Variants in TMIE observed in about 807,000 individuals in gnomAD.
TMIE encodes transmembrane inner ear.
TMIE carries 14 observed loss-of-function variants against 16.8 expected under a neutral mutation model. The observed-to-expected ratio is 0.83, with a 90% CI of 0.55 to 1.30. The LOEUF (loss-of-function observed/expected upper bound fraction) is 1.30, where lower values mean the gene tolerates loss of function less well. Among genes scored for constraint, TMIE ranks in the 50% most tolerant of loss-of-function variants. TMIE has a pLI of 0.00. For missense variants in TMIE, 204 were observed against 205.9 expected (o/e 0.99, Z 0.06); for synonymous variants, 75 against 87.2 (o/e 0.86, Z 0.78).
rs1377457705 is a variant in TMIE, at chr3:46,710,079, T to C, written c.*391T>C. On this transcript the variant is annotated 3_prime_UTR_variant, in exon 4 of 4. Transcript: ENST00000643606. Reference sequence around the variant, plus strand: ...TTCAGCCACCCTTTCTGGCACGAAATGGCTGAAGTGCATGGGTCAGGGTGT... The same window carrying C: ...TTCAGCCACCCTTTCTGGCACGAAACGGCTGAAGTGCATGGGTCAGGGTGT... 1.5e-5 allele frequency: 5 copies of C among 341,060 alleles called. No individual in the cohort carries two copies. The highest frequency in any genetic ancestry group is 3.9e-5 in the Admixed American group (1 of 25,834). The allele number at this position is 341,060 out of a possible 1,614,324, so 21.1% of individuals were successfully genotyped here. A position where few individuals can be genotyped will look rare whatever the true frequency, so the allele number is the denominator to read the frequency against.
Position 46,709,618 on chromosome 3 carries a change from T to C in TMIE, c.401T>C (p.Val134Ala). The C allele has an allele frequency of 6.2e-7, 1 of 1,613,206 alleles. No homozygotes were observed. Among genetic ancestry groups the C allele is most frequent in the South Asian group, 1.1e-5 (1 of 91,054 alleles). The change falls in exon 4 of 4, where the codon GTG becomes GCG. Residue 134 changes from valine (V) to alanine (A), a missense_variant. Coordinates refer to ENST00000643606, the MANE Select transcript of TMIE (RefSeq NM_147196.3). ...KKKKKKKKDS[V>A]DTVAIKVEED... is the part of the protein sequence containing the mutation. Reference sequence around the variant, plus strand: ...AAGAAGAAGAAGAAGAAGGACAGTGTGGACACAGTGGCCATCAAAGTAGAG... The same window carrying C: ...AAGAAGAAGAAGAAGAAGGACAGTGCGGACACAGTGGCCATCAAAGTAGAG...
intron 1 of TMIE, among the ~76,000 whole-genome samples, chr3:46,703,094 T>C (rs1010794059): frequency 6.6e-6 from 1 of 152,186 alleles, no homozygotes; most frequent in Admixed American, 6.5e-5. Context: ...GCCTTAGCTC[T>C]TCCCTCACGG....
intron 1 of TMIE, among the ~76,000 whole-genome samples, chr3:46,696,231 A>T (rs938512227): frequency 2.6e-5 from 4 of 152,198 alleles, no homozygotes; most frequent in African/African-American, 7.2e-5. Flanking sequence ...ATGCGTGTGC[A>T]GATCATGTGC....
At chr3:46,695,259 G>T (rs908200903) in intron 1 of TMIE, among the ~76,000 whole-genome samples, 8 of 152,242 alleles carry the variant, frequency 5.3e-5, no homozygotes, top group Non-Finnish European at 2.9e-5. Context: ...TCCCTGTGGG[G>T]ATCCTTTGTG....
chr3:46,697,933 T>G (rs1700424773), upstream of TMIE, among the ~76,000 whole-genome samples: 3 of 152,200 alleles, frequency 2.0e-5, no homozygotes, highest in Admixed American at 2.0e-4. Flanking sequence ...TTTTCAAAAC[T>G]ACTTTAACTT....
At chr3:46,703,769 A>T (rs981292470) in intron 1 of TMIE, among the ~76,000 whole-genome samples, 43 of 152,160 alleles carry the variant, frequency 2.8e-4, no homozygotes, top group African/African-American at 9.9e-4. Context: ...GGTGGCATTC[A>T]CTAGATGAAG....
At chr3:46,699,715 G>C (rs1281796213), upstream of TMIE, among the ~76,000 whole-genome samples, 1 of 152,196 alleles carries the variant, frequency 6.6e-6, no homozygotes, top group East Asian at 1.9e-4. Context: ...CACTAGGCTT[G>C]CCCTACTTCT....
rs780833575 is a variant in TMIE, at chr3:46,703,266, C to T, written c.93+1686C>T. 4.0e-4 allele frequency among the ~76,000 whole-genome samples: 61 copies of T among 152,244 alleles called. No individual in the cohort carries two copies. In the Middle Eastern group the frequency reaches 0.02, roughly 51 times the overall value. On this transcript the variant is annotated intron_variant, in intron 1 of 3. Transcript: ENST00000643606. ...GCAGGGCCCAACATGAGGAGAAGAC[C>T]AGCTGTCATCTGCTGCCGTCCACCC...
chr3:46,698,721 C>T (rs1017379418), upstream of TMIE, among the ~76,000 whole-genome samples: 1 of 152,182 alleles, frequency 6.6e-6, no homozygotes, highest in Admixed American at 6.5e-5. Context: ...GAAGTTAGGA[C>T]ATATAAAGCT....
chr3:46,699,057 C>CTTTTTTTTTTTT (rs1246748003), upstream of TMIE, among the ~76,000 whole-genome samples: 2 of 65,292 alleles, frequency 3.1e-5, no homozygotes, highest in Non-Finnish European at 6.5e-5. Flanking sequence ...AATGGTGTTT[C>CTTTTTTTTTTTT]TTATTTTTTT....
At chr3:46,697,204 C>T (rs962121113), upstream of TMIE, among the ~76,000 whole-genome samples, 38 of 152,176 alleles carry the variant, frequency 2.5e-4, no homozygotes, top group African/African-American at 8.7e-4. Context: ...TTGTTACGGT[C>T]TTTGGCTATA....
In TMIE at chr3:46,709,905, CA is replaced by C; in HGVS notation, c.*218del. On this transcript the variant is annotated 3_prime_UTR_variant, in exon 4 of 4. Transcript: ENST00000643606. ...AGCCTAGGCTTGGCTCCTTTCACCC[CA>C]TCCACATGGGTACTGTCTCGGCAGA... 1 of 876,868 alleles carries C rather than the reference CA, an allele frequency of 1.1e-6. No individual in the cohort carries two copies. The allele number at this position is 876,868 out of a possible 1,614,324, so 54.3% of individuals were successfully genotyped here.
At chr3:46,695,292 C>T (rs917522153) in intron 1 of TMIE, among the ~76,000 whole-genome samples, 3 of 152,224 alleles carry the variant, frequency 2.0e-5, no homozygotes, top group African/African-American at 4.8e-5. Context: ...TGGGAGGTAG[C>T]GGTACATTCT....
intron 1 of TMIE, among the ~76,000 whole-genome samples, chr3:46,696,177 T>C (rs1480509180): frequency 6.6e-6 from 1 of 152,188 alleles, no homozygotes; most frequent in Admixed American, 6.5e-5. Context: ...TTGAACCCAC[T>C]GGTAAGGACT....
chr3:46,703,890 T>C (rs554597869), intron 1 of TMIE, among the ~76,000 whole-genome samples: 2 of 152,122 alleles, frequency 1.3e-5, no homozygotes, highest in African/African-American at 4.8e-5. Flanking sequence ...AGAAGGGACT[T>C]CTCGTGTCTG....
chr3:46,694,509 G>A (rs1700353914), upstream of TMIE: 1 of 152,336 alleles, frequency 6.6e-6, no homozygotes, highest in South Asian at 2.1e-4. Flanking sequence ...AGGGTCCAAG[G>A]CGGCCGTGGA....
intron 2 of TMIE, among the ~76,000 whole-genome samples, chr3:46,706,476 C>G (rs1347866684): frequency 6.6e-6 from 1 of 152,200 alleles, no homozygotes; most frequent in Non-Finnish European, 1.5e-5. Context: ...CCCCTTAGCC[C>G]TCCCCTCAGA....
At chr3:46,709,099 G>A in intron 2 of TMIE, 27 bp from the exon 3 acceptor site, 1 of 1,613,684 alleles carries the variant, frequency 6.2e-7, no homozygotes, top group Non-Finnish European at 8.5e-7. Flanking sequence ...CCCAGCCCCA[G>A]CCAAGCCTGC....
chr3:46,699,190 A>T (rs1700442551), upstream of TMIE, among the ~76,000 whole-genome samples: 1 of 148,442 alleles, frequency 6.7e-6, no homozygotes, highest in Non-Finnish European at 1.5e-5. Context: ...CTCCTGCCTC[A>T]GCCTCACGAG....
Sources: allele counts gnomAD v4.1 joint callset (sites outside exome capture counted in the v4.1 genomes callset), GRCh38; gene constraint gnomAD v4.1.1; transcripts MANE v1.5; gene names NCBI Gene and HGNC (gene_info 2026-07-23, HGNC 2026-07-21).